DHRS4: variants seen among roughly 807,000 people sequenced by gnomAD.
The protein encoded by DHRS4 is dehydrogenase/reductase 4, also known as dehydrogenase/reductase SDR family member 4.
A neutral mutation model predicts 28.4 loss-of-function variants in DHRS4; 20 were observed. The ratio of observed to expected loss-of-function variants is 0.71; its 90% confidence interval spans 0.50 to 1.02. The LOEUF is 1.02. DHRS4 is among the 50% of genes least tolerant of loss of function. The pLI is 0.00. For missense variants in DHRS4, 378 were observed against 367.2 expected, an observed-to-expected ratio of 1.03 and a Z score of -0.24; for synonymous variants, 144 against 146.4, an observed-to-expected ratio of 0.98 and a Z score of 0.12.
At chr14:23,956,533 C>T (rs1272670712) in intron 2 of DHRS4, among the ~76,000 whole-genome samples, 2 of 151,026 alleles carry the variant, frequency 1.3e-5, no homozygotes, top group Non-Finnish European at 2.9e-5. Context: ...GTGGAGAGCA[C>T]AGGCTCAGGA....
chr14:23,965,507 C>A (rs2033581576), intron 3 of DHRS4, among the ~76,000 whole-genome samples: 1 of 142,928 alleles, frequency 7.0e-6, no homozygotes, highest in South Asian at 2.3e-4. Flanking sequence ...TCATACTTGG[C>A]TGATTATGAA....
intron 2 of DHRS4, among the ~76,000 whole-genome samples, chr14:23,956,111 G>A (rs2138431350): frequency 6.6e-6 from 1 of 152,322 alleles, no homozygotes; most frequent in East Asian, 1.9e-4. Context: ...CCATTTTTAA[G>A]GAACTGTCTG....
chr14:23,959,741 A>G (rs76340890), intron 2 of DHRS4, among the ~76,000 whole-genome samples, 161 bp from the exon 3 acceptor site: 16,455 of 147,150 alleles, frequency 0.11, 2,856 homozygotes, highest in African/African-American at 0.37. Flanking sequence ...CTTCTCTCAA[A>G]CTCCTCAGCT....
chr14:23,967,045 C>T (rs1244345177), intron 6 of DHRS4, among the ~76,000 whole-genome samples, 166 bp from the exon 7 acceptor site: 2 of 152,022 alleles, frequency 1.3e-5, no homozygotes, highest in Non-Finnish European at 2.9e-5. Context: ...ATCCCAGCTA[C>T]TCGGGAGGCT....
intron 2 of DHRS4, among the ~76,000 whole-genome samples, chr14:23,957,736 T>G (rs2138438948): frequency 6.7e-6 from 1 of 148,738 alleles, no homozygotes; most frequent in African/African-American, 2.5e-5. Flanking sequence ...TTTAAATTTT[T>G]TGTAGAGTTG....
chr14:23,953,823 G>C lies in DHRS4; in HGVS notation c.35G>C (p.Arg12Pro), dbSNP rs1377391490. ...HKAGLLGLCA[R>P]AWNSVRMASS... is the part of the protein sequence containing the mutation. ...GCGGGGCTGCTAGGCCTCTGTGCCC[G>C]GGCTTGGAATTCGGTGCGGATGGCC... The change falls in exon 1 of 8, where the codon CGG becomes CCG. Residue 12 changes from arginine (R) to proline (P), a missense_variant. Coordinates refer to ENST00000313250, the MANE Select transcript of DHRS4 (RefSeq NM_021004.4). 1.4e-5 allele frequency: 23 copies of C among 1,613,992 alleles called. No homozygotes were observed. The highest frequency in any genetic ancestry group is 1.9e-5 in the Non-Finnish European group (22 of 1,179,986).
intron 3 of DHRS4, 63 bp downstream of exon 3, chr14:23,960,066 C>G: frequency 6.7e-7 from 1 of 1,494,282 alleles, no homozygotes; most frequent in Middle Eastern, 1.8e-4. Flanking sequence ...AGCACAAACT[C>G]CATCTGCTTT....
intron 2 of DHRS4, among the ~76,000 whole-genome samples, chr14:23,956,548 T>C (rs951285277): frequency 1.3e-5 from 2 of 150,836 alleles, no homozygotes; most frequent in African/African-American, 4.9e-5. Context: ...TCAGGAGTAC[T>C]GCTGGGGAAG....
At chr14:23,956,868 G>T (rs1002982086) in intron 2 of DHRS4, among the ~76,000 whole-genome samples, 1 of 152,156 alleles carries the variant, frequency 6.6e-6, no homozygotes, top group Non-Finnish European at 1.5e-5. Context: ...CTCCCAATGT[G>T]CTGGGATTAC....
Position 23,957,908 on chromosome 14 carries a change from C to T in DHRS4, c.307-1994C>T, listed in dbSNP as rs539042698. ...CAATCAAAACCCAGCCTCCTCCCAT[C>T]TCTGTGCTGACAGACCTGGAAGGAG... On this transcript the variant is annotated intron_variant, in intron 2 of 7. Transcript: ENST00000313250. Among the ~76,000 whole-genome samples the T allele has an allele frequency of 2.7e-5, 4 of 150,604 alleles. No homozygotes were observed. The South Asian group carries it at 8.5e-4, about 32-fold the overall frequency.
intron 7 of DHRS4, 78 bp downstream of exon 7, chr14:23,967,344 G>A (rs2033670986): frequency 1.3e-6 from 2 of 1,494,372 alleles, no homozygotes; most frequent in Non-Finnish European, 1.8e-6. Flanking sequence ...ACAGCCCGCT[G>A]TCTCAGTCCC....
At chr14:23,954,327 T>TC in intron 1 of DHRS4, 1 of 176,286 alleles carries the variant, frequency 5.7e-6, no homozygotes. Flanking sequence ...CACCGGAAAG[T>TC]CCCCCGGAAC....
intron 7 of DHRS4, 147 bp from the exon 8 acceptor site, chr14:23,968,610 C>G: frequency 7.7e-7 from 1 of 1,303,566 alleles, no homozygotes; most frequent in Non-Finnish European, 1.1e-6. Context: ...CGTGGTAACC[C>G]TATTTGATAG....
intron 1 of DHRS4, 30 bp downstream of exon 1, chr14:23,953,946 C>A (rs780769186): frequency 6.4e-7 from 1 of 1,557,314 alleles, no homozygotes; most frequent in South Asian, 1.2e-5. Context: ...TTTCTGAGGC[C>A]CTGGCTGCCT....
chr14:23,960,939 G>GT (rs199531639), intron 3 of DHRS4, among the ~76,000 whole-genome samples: 10,164 of 151,864 alleles, frequency 0.067, 1,224 homozygotes, highest in African/African-American at 0.23. Context: ...GAGCAAGTGT[G>GT]TCACATGGCA....
In DHRS4 at chr14:23,966,045, C is replaced by T. The variant is rs541545483; in HGVS notation, c.531+62C>T. On this transcript the variant is annotated intron_variant, in intron 5 of 7. Transcript: ENST00000313250. ...TCCACTCCACATCTTTCCACCCCTC[C>T]TATTACCCAAGGAAGTTTGTGTCCC... 14 of 1,608,102 alleles carry T rather than the reference C, an allele frequency of 8.7e-6. No homozygotes were observed. In the East Asian group the frequency reaches 2.9e-4, roughly 33 times the overall value.
Position 23,953,780 on chromosome 14 carries a change from G to T in DHRS4, c.-9G>T, listed in dbSNP as rs200204066. ...GGAAGAGTGGAACCCATACTTGCTG[G>T]TCTGATCCATGCACAAGGCGGGGCT... On this transcript the variant is annotated 5_prime_UTR_variant, in exon 1 of 8. Transcript: ENST00000313250. 4.6e-5 allele frequency: 74 copies of T among 1,613,990 alleles called. No individual in the cohort carries two copies. The highest frequency in any genetic ancestry group is 3.8e-4 in the Admixed American group (23 of 60,036).
chr14:23,962,875 T>C (rs2033474957), intron 3 of DHRS4, among the ~76,000 whole-genome samples: 1 of 148,264 alleles, frequency 6.7e-6, no homozygotes, highest in Admixed American at 6.6e-5. Context: ...GTCTTGGAAG[T>C]CAGAATTACC....
At chr14:23,956,599 C>CTTTT (rs1229716867) in intron 2 of DHRS4, among the ~76,000 whole-genome samples, 2 of 116,976 alleles carry the variant, frequency 1.7e-5, no homozygotes, top group African/African-American at 7.6e-5. Flanking sequence ...CCTCCATATC[C>CTTTT]TTTTTTTTTT....
Sources: allele counts gnomAD v4.1 joint callset (sites outside exome capture counted in the v4.1 genomes callset), GRCh38; gene constraint gnomAD v4.1.1; transcripts MANE v1.5; gene names NCBI Gene and HGNC (gene_info 2026-07-23, HGNC 2026-07-21).